VPS13C: variants seen among roughly 807,000 people sequenced by gnomAD.
VPS13C encodes the protein vacuolar protein sorting 13 homolog C, also known as intermembrane lipid transfer protein VPS13C.
VPS13C carries 358 observed loss-of-function variants against 456.8 expected under a neutral mutation model. The observed-to-expected ratio is 0.78, with a 90% CI of 0.72 to 0.86. The LOEUF (loss-of-function observed/expected upper bound fraction) is 0.86. VPS13C is among the 40% of genes least tolerant of loss of function. The pLI is 0.00. For synonymous variants in VPS13C, 1,578 were observed against 1,486.7 expected, an observed-to-expected ratio of 1.06 and a Z score of -1.41; for missense variants, 4,818 against 4,385.4, an observed-to-expected ratio of 1.10 and a Z score of -2.79.
intron 16 of VPS13C, among the ~76,000 whole-genome samples, chr15:61,998,163 G>A (rs1255496299): frequency 1.3e-5 from 2 of 152,132 alleles, no homozygotes; most frequent in African/African-American, 4.8e-5. Context: ...TATTATTTCT[G>A]CCTGGTTATA....
In VPS13C at chr15:61,867,906, T is replaced by C. The variant is rs754432351; in HGVS notation, c.10863+753A>G. On this transcript the variant is annotated intron_variant, in intron 81 of 84. Transcript: ENST00000644861. The surrounding 1 kb of genome is among the most constrained non-coding windows in gnomAD (Gnocchi z 5.0). ...TTTGATTTTTAAGGATGAAATCAAG[T>C]AGTAGTTTAGGAAACATTTATTCCT... The C allele has an allele frequency of 1.9e-6, 3 of 1,606,918 alleles. No homozygotes were observed. The highest frequency in any genetic ancestry group is 2.2e-5 in the South Asian group (2 of 89,724).
intron 52 of VPS13C, among the ~76,000 whole-genome samples, chr15:61,926,395 TGTCTCTA>T (rs1260335314): frequency 1.3e-5 from 2 of 152,182 alleles, no homozygotes; most frequent in Non-Finnish European, 2.9e-5. Context: ...GTGAGACCCT[TGTCTCTA>T]AAAGAGAAAG....
chr15:61,979,900 T>C (rs1346017553), intron 22 of VPS13C, among the ~76,000 whole-genome samples: 1 of 151,930 alleles, frequency 6.6e-6, no homozygotes, highest in Non-Finnish European at 1.5e-5. Flanking sequence ...AGATGAAATA[T>C]GGGCTGGGTG....
At chr15:61,865,668 ATATGTG>A (rs1894508101) in intron 81 of VPS13C, 1 of 378,132 alleles carries the variant, frequency 2.6e-6, no homozygotes, top group African/African-American at 2.2e-5. Context: ...GTATGTGTAT[ATATGTG>A]TATATTTGTA....
chr15:62,057,452 A>T (rs1309261072), intron 1 of VPS13C, among the ~76,000 whole-genome samples: 1 of 152,204 alleles, frequency 6.6e-6, no homozygotes, highest in Non-Finnish European at 1.5e-5. Context: ...TTCCAATTTT[A>T]TTGAGAAATT....
At position 62,020,512 on chromosome 15, in the gene VPS13C, T is replaced by C. The variant is rs777579659; in HGVS notation, c.651A>G (p.Ser217=). Residue 217 remains serine (S), a synonymous_variant, in exon 9 of 85, where the codon TCA becomes TCG. Coordinates refer to ENST00000644861, the MANE Select transcript of VPS13C (RefSeq NM_020821.3). ...DDVTDPKRPL[S]FGVTLGELSL... ...TAAGCTCTCCCAGTGTGACACCAAA[T>C]GAAAGAGGCCGCTTTGGATCAGTGA... 2 of 1,611,526 alleles carry C rather than the reference T, an allele frequency of 1.2e-6. No individual in the cohort carries two copies. The highest frequency in any genetic ancestry group is 3.3e-5 in the Admixed American group (2 of 59,704).
chr15:61,963,951 G>T lies in VPS13C; in HGVS notation c.3215C>A (p.Ala1072Glu). 2 of 1,578,146 alleles carry T rather than the reference G, an allele frequency of 1.3e-6. No individual in the cohort carries two copies. The highest frequency in any genetic ancestry group is 1.7e-6 in the Non-Finnish European group (2 of 1,151,336). Residue 1072 changes from alanine to glutamate, a missense_variant and splice_region_variant, in exon 32 of 85, where the codon GCG becomes GAG. Physicochemically the swap from Ala to Glu is moderately radical, Grantham distance 107 (BLOSUM62 -1). This residue lies in a region of VPS13C where 4,552 missense variants were observed against 4,130.6 expected (regional missense o/e 1.10). Coordinates refer to ENST00000644861, the MANE Select transcript of VPS13C (RefSeq NM_020821.3). ...KQQKNSTLPK[A>E]IVSSRDSDII... ...GTCACTATCTCTGGAGGATACAATC[G>T]CTAAAAATAAAACAAAGCATCTGTC...
Position 61,869,480 on chromosome 15 carries a change from C to G in VPS13C, c.10748+20G>C, listed in dbSNP as rs775351292. The G allele has an allele frequency of 1.2e-5, 20 of 1,613,576 alleles. No homozygotes were observed. Among genetic ancestry groups the G allele is most frequent in the Non-Finnish European group, 1.7e-5 (20 of 1,179,650 alleles). On this transcript the variant is annotated intron_variant, in intron 80 of 84. Transcript: ENST00000644861. The stretch of plus-strand genomic sequence containing the variant: ...TTAGCACACAGACACATACCTTGCA[C>G]ATAGTATGTACTCAATTACCTCTGA...
chr15:61,884,004 A>G (rs2140051314), intron 68 of VPS13C, 124 bp downstream of exon 68: 1 of 791,812 alleles, frequency 1.3e-6, no homozygotes, highest in Non-Finnish European at 1.9e-6. Flanking sequence ...AAGAAATAAA[A>G]GTTTATCTAC....
chr15:61,879,616 T>C (rs1895707954), intron 73 of VPS13C: 1 of 152,098 alleles, frequency 6.6e-6, no homozygotes, highest in Non-Finnish European at 1.5e-5. Flanking sequence ...AGAACACGAA[T>C]AGGTAAATTA....
chr15:61,918,817 G>T (rs984478988), intron 58 of VPS13C, among the ~76,000 whole-genome samples: 1 of 151,986 alleles, frequency 6.6e-6, no homozygotes, highest in Admixed American at 6.6e-5. Context: ...AAAAATGTTG[G>T]ATAAAACCTT....
At chr15:61,875,938 A>C in intron 75 of VPS13C, 93 bp from the exon 76 acceptor site, 1 of 879,322 alleles carries the variant, frequency 1.1e-6, no homozygotes, top group Non-Finnish European at 1.7e-6. Context: ...TGATAAAATT[A>C]AGTTTGTGTT....
intron 33 of VPS13C, 32 bp downstream of exon 33, chr15:61,962,717 A>T: frequency 6.9e-7 from 1 of 1,455,936 alleles, no homozygotes; most frequent in African/African-American, 1.4e-5. Flanking sequence ...CAGTCATTAA[A>T]GAATATTAAC....
intron 22 of VPS13C, among the ~76,000 whole-genome samples, chr15:61,979,524 C>A (rs954267645): frequency 1.3e-5 from 2 of 152,042 alleles, no homozygotes; most frequent in African/African-American, 4.8e-5. Flanking sequence ...GGGAACAGTG[C>A]CCCAAAGAAA....
At chr15:62,005,517 A>G (rs1295918916) in intron 15 of VPS13C, among the ~76,000 whole-genome samples, 2 of 151,574 alleles carry the variant, frequency 1.3e-5, no homozygotes, top group East Asian at 1.9e-4. Context: ...GTCCATTTAC[A>G]TTTAAAGTTA....
rs150869501 is a variant in VPS13C, at chr15:61,941,306, T to C, written c.5453+457A>G. On this transcript the variant is annotated intron_variant, in intron 46 of 84. Transcript: ENST00000644861. The stretch of plus-strand genomic sequence containing the variant: ...CTAACCAAATAAACGCTCTTGTCAC[T>C]CAATAGAGCCAACACTGTCCCATTT... 2.9e-3 allele frequency among the ~76,000 whole-genome samples: 442 copies of C among 152,232 alleles called. 1 individual carries two copies. The highest frequency in any genetic ancestry group is 9.9e-3 in the African/African-American group (410 of 41,554).
At position 61,871,988 on chromosome 15, in the gene VPS13C, C is replaced by T. The variant is rs1219224513; in HGVS notation, c.10624+1G>A. 6.2e-7 allele frequency: 1 copy of T among 1,611,482 alleles called. No homozygotes were observed. Among genetic ancestry groups the T allele is most frequent in the Admixed American group, 1.7e-5 (1 of 59,754 alleles). On this transcript the variant is annotated splice_donor_variant, in intron 79 of 84. Coordinates refer to ENST00000644861, the MANE Select transcript of VPS13C (RefSeq NM_020821.3). LOFTEE classifies it high-confidence loss of function. ...AAAGGAAGGAAATATTTTCAACATA[C>T]CTTCCACAGGTTTTGTTATTATTCC...
rs1192011658 is a variant in VPS13C at position 61,963,940 on chromosome 15, A to G, written c.3226T>C (p.Ser1076Pro). 2 of 1,600,616 alleles carry G rather than the reference A, an allele frequency of 1.2e-6. No individual in the cohort carries two copies. Among genetic ancestry groups the G allele is most frequent in the Non-Finnish European group, 1.7e-6 (2 of 1,169,560 alleles). ...AAATCAATAATGTCACTATCTCTGG[A>G]GGATACAATCGCTAAAAATAAAACA... The part of the protein sequence containing the change: ...NSTLPKAIVS[S>P]RDSDIIDFRL... Residue 1076 changes from serine (S) to proline (P), a missense_variant, in exon 32 of 85, where the codon TCC (serine) becomes CCC (proline). Ser to Pro is a moderately conservative substitution (Grantham distance 74). Coordinates refer to ENST00000644861, the MANE Select transcript of VPS13C (RefSeq NM_020821.3).
At chr15:61,955,190 C>A (rs2044945562) in intron 37 of VPS13C, among the ~76,000 whole-genome samples, 1 of 152,260 alleles carries the variant, frequency 6.6e-6, no homozygotes, top group East Asian at 1.9e-4. Flanking sequence ...TTGCTAAGTG[C>A]TCATCTGTGT....
Sources: allele counts gnomAD v4.1 joint callset (sites outside exome capture counted in the v4.1 genomes callset), GRCh38; gene constraint gnomAD v4.1.1; regional missense constraint gnomAD v4.1.1; non-coding constraint Gnocchi (gnomAD v3.1); transcripts MANE v1.5; gene names NCBI Gene and HGNC (gene_info 2026-07-23, HGNC 2026-07-21).